The following STK33 variants were observed in gnomAD, a reference collection of about 807,000 sequenced individuals.
STK33 encodes the protein serine/threonine kinase 33, also known as serine/threonine-protein kinase 33.
Under a neutral mutation model 58.0 loss-of-function variants are expected in STK33, and 52 were observed. The ratio of observed to expected loss-of-function variants is 0.90; its 90% CI spans 0.72 to 1.13. The LOEUF (loss-of-function observed/expected upper bound fraction) is 1.13, where lower values mean the gene tolerates loss of function less well. STK33 is among the 50% of genes most tolerant of loss of function. STK33 has a pLI of 0.00. For missense variants in STK33, 630 were observed against 604.2 expected, an observed-to-expected ratio of 1.04 and a Z score of -0.45; for synonymous variants, 215 against 200.1, an observed-to-expected ratio of 1.07 and a Z score of -0.63.
chr11:8,534,824 A>G (rs541697161), intron 1 of STK33, among the ~76,000 whole-genome samples: 224 of 152,268 alleles, frequency 1.5e-3, no homozygotes, highest in Non-Finnish European at 2.3e-3. Flanking sequence ...CTCATAAATG[A>G]AAGTGTATCC....
intron 1 of STK33, among the ~76,000 whole-genome samples, chr11:8,519,666 C>T (rs536074306): frequency 7.2e-5 from 11 of 152,154 alleles, no homozygotes; most frequent in Admixed American, 1.3e-4. Flanking sequence ...GGGATATCAC[C>T]ACCGATCCCA....
intron 9 of STK33, 54 bp from the exon 10 acceptor site, chr11:8,454,886 G>A (rs1241490355): frequency 3.4e-6 from 5 of 1,452,294 alleles, no homozygotes; most frequent in Non-Finnish European, 4.6e-6. Context: ...AAAAATAGGA[G>A]AGACACATAT....
chr11:8,394,244 T>TA (rs1848975243), intron 15 of STK33, among the ~76,000 whole-genome samples: 1 of 152,238 alleles, frequency 6.6e-6, no homozygotes, highest in Non-Finnish European at 1.5e-5. Context: ...CCCCTGATGT[T>TA]AGAGCATCTG....
Position 8,454,812 on chromosome 11 carries a change from T to G in STK33, c.718A>C (p.Lys240Gln), listed in dbSNP as rs1003337576. 1.3e-6 allele frequency: 2 copies of G among 1,566,146 alleles called. No homozygotes were observed. The highest frequency in any genetic ancestry group is 1.7e-6 in the Non-Finnish European group (2 of 1,151,770). Residue 240 changes from lysine to glutamine, a missense_variant, in exon 10 of 16, where the codon AAA becomes CAA. Coordinates refer to ENST00000687296, the MANE Select transcript of STK33 (RefSeq NM_001352389.2). ...CTTTTAACCATTATATTTTCCAGTTTCAGATCTCTATGTACAATATCTACC... is the reference window on the plus strand; with the variant it reads ...CTTTTAACCATTATATTTTCCAGTTGCAGATCTCTATGTACAATATCTACC... The part of the protein sequence containing the change: ...HNNDIVHRDL[K>Q]LENIMVKSSL...
chr11:8,489,610 C>G (rs1950454595), intron 1 of STK33, among the ~76,000 whole-genome samples: 1 of 152,096 alleles, frequency 6.6e-6, no homozygotes, highest in South Asian at 2.1e-4. Flanking sequence ...ATAACTAAAC[C>G]ATGATAATAG....
intron 1 of STK33, among the ~76,000 whole-genome samples, chr11:8,482,327 A>C (rs567141193): frequency 2.6e-4 from 39 of 152,340 alleles, no homozygotes; most frequent in African/African-American, 8.9e-4. Flanking sequence ...TCTGACCAGT[A>C]AGAGCATCTA....
intron 1 of STK33, among the ~76,000 whole-genome samples, chr11:8,528,851 G>A (rs1954276718): frequency 6.6e-6 from 1 of 152,188 alleles, no homozygotes; most frequent in Admixed American, 6.5e-5. Context: ...TTGCATATGA[G>A]CCTATTTTAG....
intron 1 of STK33, among the ~76,000 whole-genome samples, chr11:8,562,328 G>GTC (rs1312845296): frequency 2.6e-5 from 4 of 151,928 alleles, no homozygotes; most frequent in African/African-American, 7.2e-5. Flanking sequence ...CTGTCCTCTT[G>GTC]TCTCTCTCTC....
At position 8,461,855 on chromosome 11, in the gene STK33, C is replaced by A; in HGVS notation, c.508G>T (p.Val170Leu). The change falls in exon 8 of 16, where the codon GTA (valine) becomes TTA (leucine). Residue 170 changes from valine (V) to leucine (L), a missense_variant. Coordinates refer to ENST00000687296, the MANE Select transcript of STK33 (RefSeq NM_001352389.2). ...AGATGTATGATGTGTTCATGTTTTA[C>A]ACTTTTCAGAATGTTCACCTCTCGT... ...LEREVNILKS[V>L]KHEHIIHLEQ... is the part of the protein sequence containing the mutation. 3 of 1,602,906 alleles carry A rather than the reference C, an allele frequency of 1.9e-6. No homozygotes were observed. Among genetic ancestry groups the A allele is most frequent in the Non-Finnish European group, 2.6e-6 (3 of 1,175,816 alleles).
At chr11:8,351,073 TC>T in the STK33 span, among the ~76,000 whole-genome samples, 1 of 151,654 alleles carries the variant, frequency 6.6e-6, no homozygotes. Context: ...TCTCCTGGGG[TC>T]CCCAGATAGG....
downstream of STK33, among the ~76,000 whole-genome samples, chr11:8,390,705 C>T (rs1224726446): frequency 2.6e-5 from 4 of 152,104 alleles, no homozygotes; most frequent in African/African-American, 9.7e-5. Context: ...GGTGGCTGGC[C>T]TTGCCTGGTG....
In STK33 at chr11:8,489,326, T is replaced by C. The variant is rs75828611; in HGVS notation, c.-465-8712A>G. On this transcript the variant is annotated intron_variant, in intron 1 of 15. Coordinates refer to ENST00000687296, the MANE Select transcript of STK33 (RefSeq NM_001352389.2). Reference sequence around the variant, plus strand: ...CTAAAAGAAAGTATAAAGGTATAAATATATTATATTACACCAAATATAGAT... The same window carrying C: ...CTAAAAGAAAGTATAAAGGTATAAACATATTATATTACACCAAATATAGAT... Among the ~76,000 whole-genome samples the C allele has an allele frequency of 8.8e-5, 13 of 147,082 alleles. No homozygotes were observed. The East Asian group carries it at 2.6e-3, about 29-fold the overall frequency.
At chr11:8,385,981 A>T in the STK33 span, among the ~76,000 whole-genome samples, 14 of 149,686 alleles carry the variant, frequency 9.4e-5, no homozygotes, top group South Asian at 3.0e-3. Context: ...TCACCATGTT[A>T]GCCAGGATGG....
chr11:8,429,189 T>C (rs1943120951), intron 14 of STK33, among the ~76,000 whole-genome samples: 1 of 152,194 alleles, frequency 6.6e-6, no homozygotes, highest in Admixed American at 6.5e-5. Context: ...GGTAAAAAAC[T>C]GATATTAGCT....
chr11:8,521,322 C>G (rs1264235626), intron 1 of STK33, among the ~76,000 whole-genome samples: 1 of 152,130 alleles, frequency 6.6e-6, no homozygotes, highest in Non-Finnish European at 1.5e-5. Flanking sequence ...AATAATACCA[C>G]ACATCTACAA....
At chr11:8,551,049 G>A (rs1202014208) in intron 1 of STK33, among the ~76,000 whole-genome samples, 2 of 152,240 alleles carry the variant, frequency 1.3e-5, no homozygotes, top group African/African-American at 4.8e-5. Context: ...CATGACAGAA[G>A]GCAAGGAAGG....
At chr11:8,418,924 C>T (rs1318992270) in intron 14 of STK33, among the ~76,000 whole-genome samples, 3 of 152,026 alleles carry the variant, frequency 2.0e-5, no homozygotes, top group African/African-American at 4.8e-5. Flanking sequence ...ATGTCCTTTG[C>T]CCACTTTTTA....
intron 15 of STK33, among the ~76,000 whole-genome samples, chr11:8,399,156 G>C (rs975327140): frequency 2.0e-5 from 3 of 152,152 alleles, no homozygotes; most frequent in Non-Finnish European, 4.4e-5. Flanking sequence ...CAAATCAACA[G>C]ACTATACATT....
At position 8,452,218 on chromosome 11, in the gene STK33, C is replaced by G. The variant is rs577562281; in HGVS notation, c.871+604G>C. On this transcript the variant is annotated intron_variant, in intron 11 of 15. Coordinates refer to ENST00000687296, the MANE Select transcript of STK33 (RefSeq NM_001352389.2). ...ACTCCGTTTCGAAAAAAAAAGCAAA[C>G]AAGCAAAACATGCACATGATTTTAA... Among the ~76,000 whole-genome samples the G allele has an allele frequency of 1.6e-4, 25 of 151,906 alleles. 2 individuals are homozygous for G. In the South Asian group the frequency reaches 4.8e-3, roughly 29 times the overall value.
Sources: allele counts gnomAD v4.1 joint callset (sites outside exome capture counted in the v4.1 genomes callset), GRCh38; gene constraint gnomAD v4.1.1; transcripts MANE v1.5; gene names NCBI Gene and HGNC (gene_info 2026-07-23, HGNC 2026-07-21).